Variants in RFX6 observed in about 807,000 individuals in gnomAD.
The protein encoded by RFX6 is DNA-binding protein RFX6.
In RFX6, 50 loss-of-function variants were observed where a neutral mutation model predicts 110.8. That is an observed-to-expected ratio of 0.45 (90% CI 0.36 to 0.57). The LOEUF (loss-of-function observed/expected upper bound fraction) is 0.57. RFX6 is among the 20% of genes least tolerant of loss of function. The pLI, the probability that RFX6 is intolerant of heterozygous loss-of-function variation, is 0.00. For missense variants in RFX6, 990 were observed against 1,127.0 expected (o/e 0.88, Z 1.74); for synonymous variants, 383 against 411.2 (o/e 0.93, Z 0.83).
chr6:116,883,650 A>G (rs941770074), intron 4 of RFX6, among the ~76,000 whole-genome samples: 1 of 152,160 alleles, frequency 6.6e-6, no homozygotes, highest in Non-Finnish European at 1.5e-5. Context: ...TTACACTTAC[A>G]TCACATCTCA....
chr6:116,922,962 T>C (rs1307846683), intron 13 of RFX6, 145 bp from the exon 14 acceptor site: 3 of 707,256 alleles, frequency 4.2e-6, no homozygotes, highest in Admixed American at 3.9e-5. Context: ...TTAAATTCCC[T>C]GGACAGATAG....
chr6:116,924,707 A>G lies in RFX6; in HGVS notation c.1594A>G (p.Ile532Val). The change falls in exon 15 of 19, where the codon ATT (isoleucine) becomes GTT (valine). Residue 532 changes from isoleucine to valine, a missense_variant. Ile to Val is a conservative substitution (Grantham distance 29). This residue lies in a region of RFX6 where 89 missense variants were observed against 140.3 expected (regional missense o/e 0.63). Transcript: ENST00000332958. The part of the protein sequence containing the change: ...HLIRMLLDEY[I>V]LLAMETQFNN... ...GATTCGAATGCTTCTCGATGAATAC[A>G]TTCTCCTGGCCATGGAGACCCAGTT... The G allele has an allele frequency of 6.2e-7, 1 of 1,607,790 alleles. No individual in the cohort carries two copies. Among genetic ancestry groups the G allele is most frequent in the Non-Finnish European group, 8.5e-7 (1 of 1,174,290 alleles).
chr6:116,897,121 T>A (rs1169569379), intron 6 of RFX6, among the ~76,000 whole-genome samples: 1 of 152,054 alleles, frequency 6.6e-6, no homozygotes, highest in African/African-American at 2.4e-5. Context: ...GGAAGTGATA[T>A]TAAGGAAATA....
chr6:116,926,995 C>T, intron 16 of RFX6, 32 bp from the exon 17 acceptor site: 1 of 1,578,448 alleles, frequency 6.3e-7, no homozygotes, highest in Non-Finnish European at 8.7e-7. Flanking sequence ...TTTAATATGA[C>T]ACTAAAGGAA....
intron 4 of RFX6, among the ~76,000 whole-genome samples, chr6:116,892,366 A>AT (rs1292111749): frequency 1.3e-5 from 2 of 152,134 alleles, no homozygotes; most frequent in African/African-American, 4.8e-5. Context: ...GAATGTGTCC[A>AT]TCCAAAAACC....
In RFX6 at chr6:116,916,240, G is replaced by C. The variant is rs1775460453; in HGVS notation, c.898G>C (p.Asp300His). The C allele has an allele frequency of 6.2e-7, 1 of 1,612,246 alleles. No individual in the cohort carries two copies. The highest frequency in any genetic ancestry group is 8.5e-7 in the Non-Finnish European group (1 of 1,179,256). Residue 300 changes from aspartate to histidine, a missense_variant, in exon 9 of 19, where the codon GAC (aspartate) becomes CAC (histidine). By Grantham distance (81) the Asp-to-His change is moderately conservative (BLOSUM62 -1). Around this residue, in one of 5 missense-constraint regions of RFX6, gnomAD observed 243 missense variants for 353.1 expected, o/e 0.69. Transcript: ENST00000332958. ...FLLHFWQGMP[D>H]HLLPLLENPV... ...ATTACACTTTTGGCAAGGAATGCCT[G>C]ACCATCTCCTTCCCCTGCTCGAAAA...
In RFX6 at chr6:116,894,904, T is replaced by C. The variant is rs1371933271; in HGVS notation, c.645-276T>C. On this transcript the variant is annotated intron_variant, in intron 5 of 18. Transcript: ENST00000332958. Reference sequence around the variant, plus strand: ...CCCACTATAAAATGTAAATATAGGCTGGAACACACACAAATGTTTAATAGT... The same window carrying C: ...CCCACTATAAAATGTAAATATAGGCCGGAACACACACAAATGTTTAATAGT... Among the ~76,000 whole-genome samples the C allele has an allele frequency of 5.9e-5, 9 of 152,282 alleles. No homozygotes were observed. In the East Asian group the frequency reaches 1.7e-3, roughly 29 times the overall value.
intron 2 of RFX6, 130 bp from the exon 3 acceptor site, chr6:116,880,414 A>G: frequency 1.3e-6 from 1 of 772,664 alleles, no homozygotes; most frequent in Non-Finnish European, 2.1e-6. Context: ...TCCAGAATAA[A>G]CGAAGTCTAC....
chr6:116,911,918 G>A (rs888574296), intron 7 of RFX6, among the ~76,000 whole-genome samples: 2 of 152,076 alleles, frequency 1.3e-5, no homozygotes, highest in African/African-American at 4.8e-5. Flanking sequence ...AAATTTATTG[G>A]CATATAAGTA....
intron 6 of RFX6, among the ~76,000 whole-genome samples, chr6:116,907,069 T>C (rs919154834): frequency 6.6e-6 from 1 of 152,078 alleles, no homozygotes; most frequent in Admixed American, 6.5e-5. Context: ...TGAGTATTGT[T>C]ATCATGAAAG....
At chr6:116,906,812 G>C (rs1351175537) in intron 6 of RFX6, among the ~76,000 whole-genome samples, 1 of 150,400 alleles carries the variant, frequency 6.6e-6, no homozygotes, top group African/African-American at 2.4e-5. Context: ...TCTGTGAACA[G>C]AGATTTTCTA....
At position 116,927,622 on chromosome 6, in the gene RFX6, T is replaced by C. The variant is rs1008140782; in HGVS notation, c.2398+83T>C. On this transcript the variant is annotated intron_variant, in intron 17 of 18. Transcript: ENST00000332958. Reference sequence around the variant, plus strand: ...GACATTGCGTTCCACCTCTGCTGACTAGCATGTCCTTTCATTTAAGGCTTC... The same window carrying C: ...GACATTGCGTTCCACCTCTGCTGACCAGCATGTCCTTTCATTTAAGGCTTC... The C allele has an allele frequency of 3.6e-6, 4 of 1,106,168 alleles. No individual in the cohort carries two copies. The African/African-American group carries it at 4.6e-5, about 13-fold the overall frequency. 68.5% of individuals were successfully genotyped at this position (1,106,168 alleles called of 1,614,324 possible).
chr6:116,895,106 G>T, intron 5 of RFX6, 74 bp from the exon 6 acceptor site: 3 of 787,476 alleles, frequency 3.8e-6, no homozygotes, highest in South Asian at 1.5e-5. Context: ...TGCTTCTTTA[G>T]GTTGTCTACA....
chr6:116,910,476 G>T (rs1562142269), intron 6 of RFX6, among the ~76,000 whole-genome samples: 1 of 152,100 alleles, frequency 6.6e-6, no homozygotes, highest in Non-Finnish European at 1.5e-5. Context: ...TAAAAATTTT[G>T]CTAGTAATTA....
At chr6:116,878,660 G>A (rs638473) in intron 2 of RFX6, among the ~76,000 whole-genome samples, 125,242 of 151,802 alleles carry the variant, frequency 0.83, 51,863 homozygotes, top group East Asian at 0.89. Context: ...ACTTTCCTAC[G>A]TAGTGGGAAG....
intron 18 of RFX6, 29 bp downstream of exon 18, chr6:116,929,000 A>G: frequency 6.9e-7 from 1 of 1,456,776 alleles, no homozygotes; most frequent in African/African-American, 1.4e-5. Context: ...TCTTGAAAAC[A>G]TTTTAAGAAG....
intron 18 of RFX6, among the ~76,000 whole-genome samples, chr6:116,929,777 A>G (rs943963276): frequency 1.3e-5 from 2 of 152,224 alleles, no homozygotes; most frequent in South Asian, 2.1e-4. Flanking sequence ...AAGTCTTCCA[A>G]TGAGATTGAT....
rs1775899821 is a variant in RFX6, at chr6:116,932,117, T to G, written c.*611T>G. 1 of 152,662 alleles carries G rather than the reference T, an allele frequency of 6.6e-6. No homozygotes were observed. The highest frequency in any genetic ancestry group is 6.5e-5 in the Admixed American group (1 of 15,272). 9.5% of individuals were successfully genotyped at this position (152,662 alleles called of 1,614,324 possible). On this transcript the variant is annotated 3_prime_UTR_variant, in exon 19 of 19. Transcript: ENST00000332958. ...GAGATGATAAGTGCTTTCCCCTCTTTATTTAAAAAAGATTAAAAGGAATAA... is the reference window on the plus strand; with the variant it reads ...GAGATGATAAGTGCTTTCCCCTCTTGATTTAAAAAAGATTAAAAGGAATAA...
rs1354552712 is a variant in RFX6 at position 116,899,655 on chromosome 6, T to C, written c.672+4448T>C. On this transcript the variant is annotated intron_variant, in intron 6 of 18. Coordinates refer to ENST00000332958, the MANE Select transcript of RFX6 (RefSeq NM_173560.4). ...GAGGTGTTAGAAACATTGACCATTTTGCAAAAAAATTTCTATACCTCACAA... is the reference window on the plus strand; with the variant it reads ...GAGGTGTTAGAAACATTGACCATTTCGCAAAAAAATTTCTATACCTCACAA... 2.0e-5 allele frequency among the ~76,000 whole-genome samples: 3 copies of C among 152,028 alleles called. No individual in the cohort carries two copies. The East Asian group carries it at 5.8e-4, about 29-fold the overall frequency.
Sources: gnomAD v4.1 joint callset for allele counts (sites outside exome capture counted in the v4.1 genomes callset) on GRCh38, gnomAD v4.1.1 for gene constraint, gnomAD v4.1.1 regional missense constraint, MANE v1.5 for transcripts, NCBI Gene and HGNC (gene_info 2026-07-23, HGNC 2026-07-21) for gene names.